Variants in SVIL observed in about 807,000 individuals in gnomAD.
SVIL encodes archvillin.
In SVIL, 101 loss-of-function variants were observed where a neutral mutation model predicts 240.4. The ratio of observed to expected loss-of-function variants is 0.42; its 90% CI spans 0.36 to 0.50. SVIL has a LOEUF of 0.50. SVIL is among the 20% of genes least tolerant of loss of function. SVIL has a pLI of 0.01. For missense variants in SVIL, 2,512 were observed against 2,818.7 expected (o/e 0.89, Z 2.46); for synonymous variants, 999 against 1,100.0 (o/e 0.91, Z 1.82).
At chr10:29,495,725 T>C (rs578064043) in intron 18 of SVIL, among the ~76,000 whole-genome samples, 1 of 152,192 alleles carries the variant, frequency 6.6e-6, no homozygotes, top group Non-Finnish European at 1.5e-5. Context: ...TTGGAAGTCC[T>C]GTCCATCTCC....
At position 29,550,898 on chromosome 10, in the gene SVIL, T is replaced by G. The variant is rs1399779865; in HGVS notation, c.526A>C (p.Arg176=). The G allele has an allele frequency of 6.2e-7, 1 of 1,614,118 alleles. No homozygotes were observed. The highest frequency in any genetic ancestry group is 1.3e-5 in the African/African-American group (1 of 75,024). Residue 176 remains arginine (R), a synonymous_variant, in exon 6 of 38, where the codon AGG becomes CGG. Transcript: ENST00000355867. ...TCCTTGGATTCACCGGCACAGGTCC[T>G]GAGCCCCATCGTCTCGGTCCCGGGG... ...LYPGTETMGL[R]TCAGESKDYA...
rs569166698 is a variant in SVIL, at chr10:29,520,878, T to C, written c.3389+1532A>G. Among the ~76,000 whole-genome samples, 62 of 147,914 alleles carry C rather than the reference T, an allele frequency of 4.2e-4. No homozygotes were observed. In the East Asian group the frequency reaches 5.6e-3, roughly 13 times the overall value. ...CTGCAGTGAAGCTGTGACAGCACCA[T>C]TGCACTCTAGTCTGGGCAACAGAGG... On this transcript the variant is annotated intron_variant, in intron 16 of 37. Transcript: ENST00000355867.
At chr10:29,561,234 TTA>T (rs1954441434) in intron 3 of SVIL, among the ~76,000 whole-genome samples, 2 of 152,212 alleles carry the variant, frequency 1.3e-5, no homozygotes, top group African/African-American at 4.8e-5. Flanking sequence ...AAATTATTTT[TTA>T]TAATCATTTA....
chr10:29,548,900 G>A (rs983926845), intron 6 of SVIL, among the ~76,000 whole-genome samples: 2 of 152,186 alleles, frequency 1.3e-5, no homozygotes, highest in South Asian at 4.1e-4. Flanking sequence ...CCATGAAAGT[G>A]TCCCCATGAC....
intron 29 of SVIL, 139 bp from the exon 30 acceptor site, chr10:29,474,128 C>T (rs1005437216): frequency 2.5e-6 from 3 of 1,191,778 alleles, no homozygotes; most frequent in African/African-American, 3.1e-5. Context: ...AAACCGTTGG[C>T]ACCTGGAGGG....
rs1251148713 is a variant in SVIL, at chr10:29,498,107, A to G, written c.3664+1009T>C. Among the ~76,000 whole-genome samples the G allele has an allele frequency of 1.5e-4, 22 of 149,556 alleles. 1 individual carries two copies. The highest frequency in any genetic ancestry group is 6.9e-3 in the Middle Eastern group (2 of 288). ...CTCCACCAAAAAAAAAAAAAAAAAA[A>G]AAAAAAAAAAGAAAAAAGTAATTAT... On this transcript the variant is annotated intron_variant, in intron 18 of 37. Coordinates refer to ENST00000355867, the MANE Select transcript of SVIL (RefSeq NM_021738.3).
At chr10:29,525,409 T>G (rs2132538707) in intron 13 of SVIL, among the ~76,000 whole-genome samples, 1 of 151,978 alleles carries the variant, frequency 6.6e-6, no homozygotes, top group East Asian at 1.9e-4. Context: ...AATTTAGGAG[T>G]TGGAGACTAG....
rs1028175708 is a variant in SVIL, at chr10:29,634,433, A to T, written c.-214T>A. ...TTTTTCACTTACTTCAAATTTCTGT[A>T]TAATCCTCGTTCCTCTAAGTTAAAG... On this transcript the variant is annotated 5_prime_UTR_variant, in exon 1 of 38. Transcript: ENST00000355867. 1.3e-5 allele frequency: 2 copies of T among 152,198 alleles called. No individual in the cohort carries two copies. 9.4% of individuals were successfully genotyped at this position (152,198 alleles called of 1,614,324 possible). A position where few individuals can be genotyped will look rare whatever the true frequency, so the allele number is the denominator to read the frequency against.
intron 2 of SVIL, among the ~76,000 whole-genome samples, chr10:29,681,785 C>A (rs1460408330): frequency 1.3e-5 from 2 of 152,206 alleles, no homozygotes; most frequent in Non-Finnish European, 2.9e-5. Flanking sequence ...ACAAACCACA[C>A]TAGGCACATT....
intron 30 of SVIL, 185 bp downstream of exon 30, chr10:29,473,653 G>T: frequency 1.5e-6 from 1 of 675,958 alleles, no homozygotes. Flanking sequence ...ACAAAAAGTG[G>T]GAGGAGGAAA....
chr10:29,733,723 C>T (rs1478454291), intron 1 of SVIL, among the ~76,000 whole-genome samples: 1 of 152,220 alleles, frequency 6.6e-6, no homozygotes, highest in African/African-American at 2.4e-5. Context: ...CCAGACTTTC[C>T]AGGCTTGCCC....
chr10:29,501,936 C>G (rs905092478), intron 17 of SVIL, among the ~76,000 whole-genome samples: 1 of 152,118 alleles, frequency 6.6e-6, no homozygotes, highest in Non-Finnish European at 1.5e-5. Context: ...TCTCAACAGT[C>G]CAGGGTGGGG....
intron 16 of SVIL, among the ~76,000 whole-genome samples, chr10:29,521,411 C>A (rs1485845261): frequency 6.6e-6 from 1 of 151,992 alleles, no homozygotes; most frequent in African/African-American, 2.4e-5. Context: ...TGGGAACAGG[C>A]GATGGAAATG....
chr10:29,672,137 T>A (rs1470623929), intron 2 of SVIL, among the ~76,000 whole-genome samples: 1 of 152,224 alleles, frequency 6.6e-6, no homozygotes, highest in Non-Finnish European at 1.5e-5. Context: ...CTGTAACCTG[T>A]GGGCCACATC....
At chr10:29,649,065 T>C (rs1002489123) in intron 3 of SVIL, among the ~76,000 whole-genome samples, 1 of 152,100 alleles carries the variant, frequency 6.6e-6, no homozygotes, top group African/African-American at 2.4e-5. Context: ...GTGGCTGAGG[T>C]AGGAGGATCC....
At chr10:29,595,922 G>A (rs1478470882) in intron 1 of SVIL, among the ~76,000 whole-genome samples, 2 of 152,188 alleles carry the variant, frequency 1.3e-5, no homozygotes, top group African/African-American at 4.8e-5. Flanking sequence ...ATCATTCCCA[G>A]GACAGCTAGG....
chr10:29,506,766 C>CCCTAGAGGGAGGGGACAGAGGG (rs1564535655), intron 17 of SVIL, among the ~76,000 whole-genome samples: 21 of 147,918 alleles, frequency 1.4e-4, no homozygotes, highest in African/African-American at 5.3e-4. Context: ...GGGACAGAGG[C>CCCTAGAGGGAGGGGACAGAGGG]CCTAGAGGGA....
At position 29,488,491 on chromosome 10, in the gene SVIL, G is replaced by A. The variant is rs572203309; in HGVS notation, c.4348+110C>T. 6.2e-5 allele frequency: 79 copies of A among 1,265,192 alleles called. No individual in the cohort carries two copies. The South Asian group carries it at 1.4e-3, about 22-fold the overall frequency. 78.4% of individuals were successfully genotyped at this position (1,265,192 alleles called of 1,614,324 possible). A position where few individuals can be genotyped will look rare whatever the true frequency, so the allele number is the denominator to read the frequency against. ...GGAACACACAATAAGTTCTCAAAAA[G>A]TGTGCGTTCCTTTCCCGGCACAGGC... On this transcript the variant is annotated intron_variant, in intron 23 of 37. Coordinates refer to ENST00000355867, the MANE Select transcript of SVIL (RefSeq NM_021738.3).
At chr10:29,560,290 T>C (rs73596051) in intron 3 of SVIL, among the ~76,000 whole-genome samples, 3,203 of 152,274 alleles carry the variant, frequency 0.021, 95 homozygotes, top group African/African-American at 0.07. Flanking sequence ...GTCATGAACA[T>C]GTTCTAAAAC....
Sources: allele counts gnomAD v4.1 joint callset (sites outside exome capture counted in the v4.1 genomes callset), GRCh38; gene constraint gnomAD v4.1.1; transcripts MANE v1.5; gene names NCBI Gene and HGNC (gene_info 2026-07-23, HGNC 2026-07-21).